C12orf42: variants seen among roughly 807,000 people sequenced by gnomAD.
C12orf42 encodes the protein chromosome 12 open reading frame 42.
A neutral mutation model predicts 21.6 loss-of-function variants in C12orf42; 25 were observed. That is an observed-to-expected ratio of 1.16 (90% CI 0.84 to 1.62). The LOEUF is 1.62. C12orf42 is among the 40% of genes most tolerant of loss of function. The probability of loss-of-function intolerance (pLI) is 0.00; values close to 1 mark genes in which losing one functional copy is unlikely to be tolerated. For missense variants in C12orf42, 483 were observed against 459.3 expected, an observed-to-expected ratio of 1.05 and a Z score of -0.47; for synonymous variants, 174 against 175.0, an observed-to-expected ratio of 0.99 and a Z score of 0.05.
At chr12:103,144,886 C>A in the C12orf42 span, among the ~76,000 whole-genome samples, 1 of 152,104 alleles carries the variant, frequency 6.6e-6, no homozygotes, top group Non-Finnish European at 1.5e-5. Context: ...GAGGGCTAAA[C>A]CATTGCTGCT....
chr12:103,430,011 GA>G (rs1330154797), intron 2 of C12orf42, among the ~76,000 whole-genome samples: 1 of 152,096 alleles, frequency 6.6e-6, no homozygotes, highest in African/African-American at 2.4e-5. Context: ...TAAAAACCAT[GA>G]AAACTCTAGA....
intron 4 of C12orf42, among the ~76,000 whole-genome samples, chr12:103,314,138 T>C (rs1387494027): frequency 6.6e-6 from 1 of 151,984 alleles, no homozygotes; most frequent in African/African-American, 2.4e-5. Flanking sequence ...CAAAGACAGA[T>C]GTGTTTTCAG....
rs201009647 is a variant in C12orf42 at position 103,247,205 on chromosome 12, G to C, written c.*1367-9303C>G. ...TCAATGGTCTTCATCTTAATATTTT[G>C]AGTTAATATTTAATTAAGATCATAT... On this transcript the variant is annotated intron_variant and NMD_transcript_variant, in intron 10 of 10. Transcript: ENST00000547347. Among the ~76,000 whole-genome samples, 4 of 149,700 alleles carry C rather than the reference G, an allele frequency of 2.7e-5. No individual in the cohort carries two copies. The East Asian group carries it at 8.1e-4, about 30-fold the overall frequency.
At chr12:103,072,284 G>T in the C12orf42 span, among the ~76,000 whole-genome samples, 1 of 151,926 alleles carries the variant, frequency 6.6e-6, no homozygotes, top group African/African-American at 2.4e-5. Flanking sequence ...CTTCTCTTTT[G>T]TGAGAATTAA....
At chr12:103,470,235 A>G (rs1287060214) in intron 2 of C12orf42, among the ~76,000 whole-genome samples, 2 of 152,202 alleles carry the variant, frequency 1.3e-5, no homozygotes, top group Non-Finnish European at 1.5e-5. Context: ...ATGCTTTCAC[A>G]CTGTCCGAGG....
intron 2 of C12orf42, among the ~76,000 whole-genome samples, chr12:103,476,253 T>C (rs551041125): frequency 3.9e-5 from 6 of 152,292 alleles, no homozygotes; most frequent in African/African-American, 1.2e-4. Context: ...GACATGTTTG[T>C]TCATATATAA....
rs1314457204 is a variant in C12orf42, at chr12:103,253,822, T to TG, written c.*1366+9503dup. ...ATAAACAACTTTGTCCACTTTTTAA[T>TG]GGGTTTTTTTTTTCTTGTAAATTTG... is the stretch of plus-strand genomic sequence containing the variant. On this transcript the variant is annotated intron_variant and NMD_transcript_variant, in intron 10 of 10. Transcript: ENST00000547347. Among the ~76,000 whole-genome samples, 531 of 135,398 alleles carry TG rather than the reference T, an allele frequency of 3.9e-3. 2 individuals are homozygous for TG. Among genetic ancestry groups the TG allele is most frequent in the African/African-American group, 0.013 (479 of 37,912 alleles). The allele number at this position is 135,398 out of a possible 152,430, so 88.8% of individuals were successfully genotyped here. A position where few individuals can be genotyped will look rare whatever the true frequency, so the allele number is the denominator to read the frequency against.
chr12:103,360,381 C>T (rs1162546952), intron 4 of C12orf42, among the ~76,000 whole-genome samples: 1 of 151,732 alleles, frequency 6.6e-6, no homozygotes, highest in East Asian at 2.0e-4. Flanking sequence ...AAGTGAGTCC[C>T]TCATTCTGGA....
intron 3 of C12orf42, among the ~76,000 whole-genome samples, chr12:103,393,934 G>C (rs761406722): frequency 6.6e-6 from 1 of 152,152 alleles, no homozygotes; most frequent in South Asian, 2.1e-4. Flanking sequence ...ATCCCTAGGG[G>C]AACCTTCCCC....
intron 10 of C12orf42, among the ~76,000 whole-genome samples, chr12:103,238,753 A>T (rs778271847): frequency 3.9e-5 from 6 of 152,194 alleles, no homozygotes; most frequent in Middle Eastern, 3.2e-3. Flanking sequence ...GAGCTGTAGG[A>T]TGCCCCAGTC....
the C12orf42 span, among the ~76,000 whole-genome samples, chr12:103,120,910 T>G: frequency 6.6e-6 from 1 of 151,914 alleles, no homozygotes; most frequent in African/African-American, 2.4e-5. Context: ...AGGATGATGG[T>G]TTCTAAGTAT....
chr12:103,197,869 G>A, the C12orf42 span, among the ~76,000 whole-genome samples: 1 of 152,206 alleles, frequency 6.6e-6, no homozygotes, highest in Admixed American at 6.5e-5. Context: ...TGCTGTAATT[G>A]TAGGGGGCTG....
intron 2 of C12orf42, among the ~76,000 whole-genome samples, chr12:103,416,076 G>A (rs2049300043): frequency 6.6e-6 from 1 of 150,602 alleles, no homozygotes; most frequent in South Asian, 2.1e-4. Flanking sequence ...GTGTGTATAC[G>A]TGTATACATG....
intron 4 of C12orf42, among the ~76,000 whole-genome samples, chr12:103,295,388 T>C (rs917460331): frequency 6.6e-6 from 1 of 151,942 alleles, no homozygotes; most frequent in African/African-American, 2.4e-5. Context: ...ATGGAATAGT[T>C]TGTAAATTCA....
the C12orf42 span, among the ~76,000 whole-genome samples, chr12:103,147,266 T>A: frequency 1.3e-5 from 2 of 152,162 alleles, no homozygotes; most frequent in Non-Finnish European, 2.9e-5. Context: ...AACCTAGTTT[T>A]TTCCCCTTAT....
At chr12:103,481,663 A>C (rs1375497676) in intron 1 of C12orf42, among the ~76,000 whole-genome samples, 1 of 151,850 alleles carries the variant, frequency 6.6e-6, no homozygotes. Flanking sequence ...CTTTAAAAAA[A>C]AAATACCGTC....
intron 2 of C12orf42, among the ~76,000 whole-genome samples, chr12:103,402,333 C>A (rs1270676044): frequency 2.6e-5 from 4 of 152,192 alleles, no homozygotes; most frequent in Non-Finnish European, 5.9e-5. Context: ...TGATTTGAAG[C>A]TTACTTGCAA....
the C12orf42 span, among the ~76,000 whole-genome samples, chr12:103,166,136 G>A: frequency 6.6e-6 from 1 of 152,102 alleles, no homozygotes; most frequent in Non-Finnish European, 1.5e-5. Flanking sequence ...CACAGGCCCT[G>A]AAGTCAGCCT....
chr12:103,521,951 G>A, the C12orf42 span, among the ~76,000 whole-genome samples: 1 of 152,158 alleles, frequency 6.6e-6, no homozygotes, highest in Admixed American at 6.5e-5. Context: ...AGACATTAAT[G>A]GATAACCAGA....
Sources: gnomAD v4.1 joint callset for allele counts (sites outside exome capture counted in the v4.1 genomes callset) on GRCh38, gnomAD v4.1.1 for gene constraint, MANE v1.5 for transcripts, NCBI Gene and HGNC (gene_info 2026-07-23, HGNC 2026-07-21) for gene names.